CACNA2D3: variants seen among roughly 807,000 people sequenced by gnomAD.
The protein encoded by CACNA2D3 is voltage-dependent calcium channel subunit alpha-2/delta-3.
In CACNA2D3, 60 loss-of-function variants were observed where a neutral mutation model predicts 160.6. The observed-to-expected ratio is 0.37, with a 90% CI of 0.30 to 0.46. CACNA2D3 has a LOEUF of 0.46. Ranked by LOEUF, CACNA2D3 falls within the 20% of genes least tolerant of loss-of-function variation. The pLI, the probability that CACNA2D3 is intolerant of heterozygous loss-of-function variation, is 1.00. For synonymous variants in CACNA2D3, 558 were observed against 492.9 expected (o/e 1.13, Z -1.75); for missense variants, 1,205 against 1,365.0 (o/e 0.88, Z 1.85).
intron 3 of CACNA2D3, among the ~76,000 whole-genome samples, chr3:54,373,509 T>A (rs1198013145): frequency 6.6e-6 from 1 of 152,188 alleles, no homozygotes; most frequent in Non-Finnish European, 1.5e-5. Context: ...GCCTATATTA[T>A]ATATGTAATT....
intron 27 of CACNA2D3, among the ~76,000 whole-genome samples, chr3:54,912,894 A>G (rs952373521): frequency 1.6e-4 from 25 of 152,190 alleles, no homozygotes; most frequent in African/African-American, 5.8e-4. Flanking sequence ...TGGGGTCTCA[A>G]TGGGAGGTAT....
rs74350249 is a variant in CACNA2D3, at chr3:54,149,827, A to G, written c.204+26233A>G. ...AAGACGGACAGTGTCTGGCTCTTGAATGAGTGCTTCACTGTGTACTATTTT... is the reference window on the plus strand; with the variant it reads ...AAGACGGACAGTGTCTGGCTCTTGAGTGAGTGCTTCACTGTGTACTATTTT... On this transcript the variant is annotated intron_variant, in intron 2 of 37. Transcript: ENST00000474759. Among the ~76,000 whole-genome samples, 2,125 of 146,568 alleles carry G rather than the reference A, an allele frequency of 0.014. 118 individuals are homozygous for G. In the East Asian group the frequency reaches 0.21, roughly 15 times the overall value.
At chr3:54,637,915 C>T (rs1349076361) in intron 10 of CACNA2D3, 3 of 152,008 alleles carry the variant, frequency 2.0e-5, no homozygotes, top group Admixed American at 6.5e-5. Context: ...GTTCCTTGGC[C>T]CAGTGGCCAG....
At chr3:54,236,619 T>G (rs11130405) in intron 2 of CACNA2D3, among the ~76,000 whole-genome samples, 24,453 of 152,148 alleles carry the variant, frequency 0.16, 2,171 homozygotes, top group Middle Eastern at 0.24. Context: ...ATAAAAACTC[T>G]GTGCATAGAA....
At chr3:54,523,948 C>T (rs1701686532) in intron 5 of CACNA2D3, among the ~76,000 whole-genome samples, 2 of 151,814 alleles carry the variant, frequency 1.3e-5, no homozygotes, top group African/African-American at 4.8e-5. Context: ...AATGAATCAT[C>T]TTTTGGTTTC....
chr3:54,393,323 C>T (rs1186160774), intron 4 of CACNA2D3, among the ~76,000 whole-genome samples: 1 of 152,198 alleles, frequency 6.6e-6, no homozygotes. Context: ...GCACTTTCCC[C>T]AGAGAAGCAG....
chr3:54,752,487 G>A, intron 11 of CACNA2D3, 112 bp from the exon 12 acceptor site: 1 of 695,394 alleles, frequency 1.4e-6, no homozygotes, highest in Non-Finnish European at 2.6e-6. Context: ...CCTGCAGATG[G>A]GAAGCATGGA....
chr3:54,739,205 A>C (rs1047018806), intron 11 of CACNA2D3, among the ~76,000 whole-genome samples: 2 of 152,140 alleles, frequency 1.3e-5, no homozygotes, highest in South Asian at 4.1e-4. Flanking sequence ...GGATCACCTG[A>C]GGTCAGGATT....
chr3:55,049,756 C>T (rs1439396579), intron 35 of CACNA2D3, among the ~76,000 whole-genome samples: 3 of 149,620 alleles, frequency 2.0e-5, no homozygotes, highest in East Asian at 1.9e-4. Flanking sequence ...TTGTAGGTCA[C>T]TGAGGACTTG....
intron 4 of CACNA2D3, among the ~76,000 whole-genome samples, chr3:54,420,384 C>A (rs1247615745): frequency 6.6e-6 from 1 of 152,192 alleles, no homozygotes; most frequent in Non-Finnish European, 1.5e-5. Flanking sequence ...CACCTTGTCC[C>A]TATTCAGCTT....
At chr3:54,687,685 T>C (rs2106926833) in intron 11 of CACNA2D3, among the ~76,000 whole-genome samples, 2 of 152,324 alleles carry the variant, frequency 1.3e-5, no homozygotes, top group African/African-American at 2.4e-5. Context: ...CAGAGAGGCA[T>C]GTGTTTGCAG....
chr3:54,863,750 T>C (rs1699344529), intron 17 of CACNA2D3, among the ~76,000 whole-genome samples: 1 of 152,168 alleles, frequency 6.6e-6, no homozygotes, highest in South Asian at 2.1e-4. Context: ...GCTGTTTTAG[T>C]TTTACAGCGA....
intron 11 of CACNA2D3, among the ~76,000 whole-genome samples, chr3:54,719,099 A>C (rs557624210): frequency 6.7e-6 from 1 of 149,446 alleles, no homozygotes; most frequent in Admixed American, 6.7e-5. Flanking sequence ...AGTGTCTGCT[A>C]TATTTCTACT....
At chr3:55,019,848 A>G (rs1185107939) in intron 35 of CACNA2D3, among the ~76,000 whole-genome samples, 5 of 152,228 alleles carry the variant, frequency 3.3e-5, no homozygotes, top group African/African-American at 1.2e-4. Flanking sequence ...CAATAATTAC[A>G]TGTTAAGTAT....
At chr3:54,879,316 TTTCTC>T (rs1699737578) in intron 19 of CACNA2D3, 29 bp from the exon 20 acceptor site, 5 of 1,543,768 alleles carry the variant, frequency 3.2e-6, no homozygotes, top group Non-Finnish European at 4.4e-6. Flanking sequence ...CATGTTTTCT[TTTCTC>T]TACGACTTTT....
chr3:54,131,811 G>A (rs1699714701), intron 2 of CACNA2D3, among the ~76,000 whole-genome samples: 1 of 152,090 alleles, frequency 6.6e-6, no homozygotes, highest in African/African-American at 2.4e-5. Flanking sequence ...TTGCACAGCA[G>A]AAGTGGGCAG....
intron 2 of CACNA2D3, among the ~76,000 whole-genome samples, chr3:54,237,038 A>C (rs565302329): frequency 6.6e-6 from 1 of 150,442 alleles, no homozygotes; most frequent in Admixed American, 6.6e-5. Flanking sequence ...TGCAAAACAC[A>C]TTCCATTAAG....
chr3:54,737,546 T>C (rs1701558680), intron 11 of CACNA2D3, among the ~76,000 whole-genome samples: 2 of 152,232 alleles, frequency 1.3e-5, no homozygotes, highest in Admixed American at 1.3e-4. Flanking sequence ...AATTTGGCAG[T>C]TGGGGCTGAG....
rs892425565 is a variant in CACNA2D3 at position 55,017,236 on chromosome 3, T to A, written c.2876-970T>A. On this transcript the variant is annotated intron_variant, in intron 34 of 37. Coordinates refer to ENST00000474759, the MANE Select transcript of CACNA2D3 (RefSeq NM_018398.3). ...GTAGACCTCCTGTGAAGAGTACCTA[T>A]GCTACTAGCATCCCCATTTTACAGG... Among the ~76,000 whole-genome samples, 46 of 152,316 alleles carry A rather than the reference T, an allele frequency of 3.0e-4. 1 individual carries two copies. Among genetic ancestry groups the A allele is most frequent in the South Asian group, 1.4e-3 (7 of 4,828 alleles).
Sources: gnomAD v4.1 joint callset for allele counts (sites outside exome capture counted in the v4.1 genomes callset) on GRCh38, gnomAD v4.1.1 for gene constraint, MANE v1.5 for transcripts, NCBI Gene and HGNC (gene_info 2026-07-23, HGNC 2026-07-21) for gene names.